The following VIRMA variants were observed in gnomAD, a reference collection of about 807,000 sequenced individuals.
VIRMA encodes protein virilizer homolog.
A neutral mutation model predicts 182.4 loss-of-function variants in VIRMA; 65 were observed. The observed-to-expected ratio is 0.36, with a 90% CI of 0.29 to 0.44. The LOEUF is 0.44. Ranked by LOEUF, VIRMA falls within the 20% of genes least tolerant of loss-of-function variation. The pLI is 1.00. For missense variants in VIRMA, 1,752 were observed against 2,158.1 expected (o/e 0.81, Z 3.73); for synonymous variants, 709 against 743.1 (o/e 0.95, Z 0.75).
intron 8 of VIRMA, among the ~76,000 whole-genome samples, chr8:94,524,158 C>T (rs1469910383): frequency 3.3e-5 from 5 of 152,108 alleles, no homozygotes; most frequent in Admixed American, 6.5e-5. Flanking sequence ...CGCCACCATG[C>T]CCCACTAATT....
In VIRMA at chr8:94,526,976, G is replaced by A. The variant is rs765175527; in HGVS notation, c.1268C>T (p.Thr423Ile). 16 of 1,614,086 alleles carry A rather than the reference G, an allele frequency of 9.9e-6. No individual in the cohort carries two copies. Among genetic ancestry groups the A allele is most frequent in the Non-Finnish European group, 3.4e-6 (4 of 1,180,032 alleles). Residue 423 changes from threonine to isoleucine, a missense_variant, in exon 8 of 24, where the codon ACA (threonine) becomes ATA (isoleucine). Around this residue, in one of 11 missense-constraint regions of VIRMA, gnomAD observed 401 missense variants for 455.1 expected, o/e 0.88. Transcript: ENST00000297591. ...CAACTGGCCAAGGGAGTCTTGTTTT[G>A]TGTTTTTCAATTGCAAATAGCTTAA... ...KGLSYLQLKN[T>I]KQDSLGQLVD...
At chr8:94,543,789 T>C (rs1191641649) in intron 2 of VIRMA, 38 bp downstream of exon 2, 1 of 1,164,846 alleles carries the variant, frequency 8.6e-7, no homozygotes, top group African/African-American at 1.5e-5. Context: ...AAGACAATCT[T>C]TAACCAAAAA....
intron 10 of VIRMA, among the ~76,000 whole-genome samples, chr8:94,516,732 C>T (rs1317708525): frequency 6.6e-6 from 1 of 152,150 alleles, no homozygotes; most frequent in Non-Finnish European, 1.5e-5. Flanking sequence ...CCTTTGAAGA[C>T]ACTGTGTGCC....
intron 11 of VIRMA, 91 bp from the exon 12 acceptor site, chr8:94,512,180 A>G: frequency 2.2e-6 from 1 of 460,064 alleles, no homozygotes; most frequent in Non-Finnish European, 3.7e-6. Flanking sequence ...TGAAAATATG[A>G]GCTTCAAGTT....
chr8:94,553,381 T>C lies in VIRMA; in HGVS notation c.63+4A>G. ...AGCGTCAGAATCAAGTCGCCAAGCC[T>C]TACCTCAGCGCTCGGGTGTTTAAAA... is the stretch of plus-strand genomic sequence containing the variant. On this transcript the variant is annotated splice_donor_region_variant and intron_variant, in intron 1 of 23. Transcript: ENST00000297591. 1.9e-6 allele frequency: 3 copies of C among 1,613,984 alleles called. No individual in the cohort carries two copies. Among genetic ancestry groups the C allele is most frequent in the East Asian group, 2.2e-5 (1 of 44,880 alleles).
chr8:94,520,658 G>T (rs1479481810), intron 8 of VIRMA, among the ~76,000 whole-genome samples: 1 of 152,060 alleles, frequency 6.6e-6, no homozygotes, highest in Non-Finnish European at 1.5e-5. Context: ...GTATACAAGA[G>T]GATATGCATA....
At position 94,488,821 on chromosome 8, in the gene VIRMA, C is replaced by A. The variant is rs972376899; in HGVS notation, c.5324G>T (p.Arg1775Leu). The stretch of plus-strand genomic sequence containing the variant: ...AGCCCAGGAAGGTCCAAGTCCCCCA[C>A]GACCTCTAGAAGCACGGTCCCGAGG... ...PSPRDRASRG[R>L]GGLGPSWASA... Residue 1775 changes from arginine (R) to leucine (L), a missense_variant, in exon 24 of 24, where the codon CGT (arginine) becomes CTT (leucine). Arg to Leu is a moderately radical substitution (Grantham distance 102). Around this residue, in one of 11 missense-constraint regions of VIRMA, gnomAD observed 132 missense variants for 173.8 expected, o/e 0.76. Coordinates refer to ENST00000297591, the MANE Select transcript of VIRMA (RefSeq NM_015496.5). 2 of 1,614,038 alleles carry A rather than the reference C, an allele frequency of 1.2e-6. No individual in the cohort carries two copies. Among genetic ancestry groups the A allele is most frequent in the South Asian group, 1.1e-5 (1 of 91,092 alleles).
intron 13 of VIRMA, 180 bp downstream of exon 13, chr8:94,511,005 G>T (rs1055797): frequency 0.24 from 333,710 of 1,376,342 alleles, 44,984 homozygotes; most frequent in East Asian, 0.49. Context: ...TATTTAAAAT[G>T]TTACCCCCAT....
At chr8:94,531,400 T>C (rs1312674242) in intron 5 of VIRMA, among the ~76,000 whole-genome samples, 1 of 152,074 alleles carries the variant, frequency 6.6e-6, no homozygotes, top group Non-Finnish European at 1.5e-5. Context: ...ATGGAAAAAA[T>C]ACTTTTCATC....
At chr8:94,545,467 A>T (rs2130392656) in intron 1 of VIRMA, among the ~76,000 whole-genome samples, 1 of 152,334 alleles carries the variant, frequency 6.6e-6, no homozygotes, top group South Asian at 2.1e-4. Context: ...TTTGTATATA[A>T]AAGAGTTTCT....
At chr8:94,488,930 C>G in intron 23 of VIRMA, 70 bp from the exon 24 acceptor site, 1 of 1,497,894 alleles carries the variant, frequency 6.7e-7, no homozygotes, top group African/African-American at 1.4e-5. Flanking sequence ...TACTAATCTA[C>G]GACACTGAGC....
chr8:94,511,961 G>C, intron 12 of VIRMA, 35 bp downstream of exon 12: 1 of 1,216,862 alleles, frequency 8.2e-7, no homozygotes, highest in Non-Finnish European at 1.1e-6. Context: ...CTAGGCTTAA[G>C]AATCGTAGTT....
intron 8 of VIRMA, among the ~76,000 whole-genome samples, chr8:94,520,185 CAAA>C (rs757063695): frequency 4.5e-4 from 37 of 82,928 alleles, no homozygotes; most frequent in Admixed American, 1.0e-3. Context: ...GACCCTGCAT[CAAA>C]AAAAAAAAAA....
At chr8:94,520,462 T>C (rs374596711) in intron 8 of VIRMA, among the ~76,000 whole-genome samples, 6 of 151,666 alleles carry the variant, frequency 4.0e-5, no homozygotes, top group African/African-American at 1.5e-4. Context: ...GCCACCGCAC[T>C]CCAGCCTGGG....
At chr8:94,551,737 C>T (rs1000532280) in intron 1 of VIRMA, among the ~76,000 whole-genome samples, 2 of 152,100 alleles carry the variant, frequency 1.3e-5, no homozygotes, top group East Asian at 3.8e-4. Context: ...TCTCTTTCTT[C>T]CTTTCGAGAC....
chr8:94,537,007 T>C (rs1815368595), intron 4 of VIRMA, 96 bp downstream of exon 4: 2 of 832,744 alleles, frequency 2.4e-6, no homozygotes, highest in South Asian at 1.5e-5. Flanking sequence ...AAAAAAGATA[T>C]GACACTCTGC....
chr8:94,552,068 T>A (rs1816007568), intron 1 of VIRMA, among the ~76,000 whole-genome samples: 1 of 152,230 alleles, frequency 6.6e-6, no homozygotes, highest in Non-Finnish European at 1.5e-5. Context: ...AAGTTTGTTC[T>A]GATCCAACTA....
Position 94,550,731 on chromosome 8 carries a change from T to C in VIRMA, c.63+2654A>G, listed in dbSNP as rs180787181. Among the ~76,000 whole-genome samples the C allele has an allele frequency of 9.7e-4, 147 of 151,066 alleles. 1 individual carries two copies. Among genetic ancestry groups the C allele is most frequent in the African/African-American group, 3.5e-3 (142 of 41,134 alleles). ...TTTTATTTATTTATGTATTTATTTATTTTAAAAGACAGAGTCTTGCTCTGT... is the reference window on the plus strand; with the variant it reads ...TTTTATTTATTTATGTATTTATTTACTTTAAAAGACAGAGTCTTGCTCTGT... On this transcript the variant is annotated intron_variant, in intron 1 of 23. Transcript: ENST00000297591.
chr8:94,503,213 T>C (rs1814053105), intron 16 of VIRMA, among the ~76,000 whole-genome samples: 1 of 152,236 alleles, frequency 6.6e-6, no homozygotes, highest in Non-Finnish European at 1.5e-5. Context: ...ATAGGATATG[T>C]GGATATCATA....
Sources: gnomAD v4.1 joint callset for allele counts (sites outside exome capture counted in the v4.1 genomes callset) on GRCh38, gnomAD v4.1.1 for gene constraint, gnomAD v4.1.1 regional missense constraint, MANE v1.5 for transcripts, NCBI Gene and HGNC (gene_info 2026-07-23, HGNC 2026-07-21) for gene names.